Variants in TMC1 observed in about 807,000 individuals in gnomAD.
The protein encoded by TMC1 is transmembrane channel like 1, also known as transmembrane channel-like protein 1.
A neutral mutation model predicts 105.8 loss-of-function variants in TMC1; 84 were observed. The ratio of observed to expected loss-of-function variants is 0.79; its 90% CI spans 0.67 to 0.95. The LOEUF (loss-of-function observed/expected upper bound fraction) is 0.95. TMC1 is among the 40% of genes least tolerant of loss of function. TMC1 has a pLI of 0.00. For missense variants in TMC1, 817 were observed against 914.1 expected (o/e 0.89, Z 1.37); for synonymous variants, 315 against 311.5 (o/e 1.01, Z -0.12).
At chr9:72,760,019 C>T (rs1301573170) in intron 12 of TMC1, among the ~76,000 whole-genome samples, 6 of 151,982 alleles carry the variant, frequency 3.9e-5, no homozygotes, top group African/African-American at 7.3e-5. Flanking sequence ...TCTTGTAATT[C>T]CCAAATCAGC....
In TMC1 at chr9:72,752,447, A is replaced by AACACACACACACACAC. The variant is rs10640023; in HGVS notation, c.642+503_642+518dup. 7.9e-3 allele frequency among the ~76,000 whole-genome samples: 1,183 copies of AACACACACACACACAC among 149,194 alleles called. 24 individuals are homozygous for AACACACACACACACAC. Among genetic ancestry groups the AACACACACACACACAC allele is most frequent in the African/African-American group, 0.028 (1,118 of 40,638 alleles). On this transcript the variant is annotated intron_variant, in intron 11 of 23. Transcript: ENST00000297784. ...AGATACAAAGTAAGATAATGCCCAC[A>AACACACACACACACAC]ACACACACACACACACACACACACA...
chr9:72,557,338 TCCAG>T (rs1388513135), intron 1 of TMC1, among the ~76,000 whole-genome samples: 1 of 152,112 alleles, frequency 6.6e-6, no homozygotes, highest in Non-Finnish European at 1.5e-5. Context: ...GCCACTGCAC[TCCAG>T]CCTGGGTGAC....
intron 18 of TMC1, among the ~76,000 whole-genome samples, chr9:72,812,472 G>C (rs563303032): frequency 3.0e-4 from 45 of 152,320 alleles, no homozygotes; most frequent in African/African-American, 1.0e-3. Context: ...GAAGTACAAA[G>C]CCTCAAGTGC....
intron 3 of TMC1, among the ~76,000 whole-genome samples, chr9:72,616,929 T>C (rs983835969): frequency 6.6e-6 from 1 of 152,158 alleles, no homozygotes; most frequent in African/African-American, 2.4e-5. Context: ...GTTTCCTTTG[T>C]AGGTCTGCTT....
chr9:72,718,073 T>C (rs1464024154), intron 8 of TMC1, among the ~76,000 whole-genome samples: 1 of 91,394 alleles, frequency 1.1e-5, no homozygotes, highest in Non-Finnish European at 2.1e-5. Flanking sequence ...ATTTATGCTA[T>C]CTATTTCACT....
intron 1 of TMC1, among the ~76,000 whole-genome samples, chr9:72,529,297 C>T (rs1823458167): frequency 6.6e-6 from 1 of 152,010 alleles, no homozygotes; most frequent in Non-Finnish European, 1.5e-5. Context: ...GAATAATATG[C>T]TTATTCAAGC....
intron 5 of TMC1, among the ~76,000 whole-genome samples, chr9:72,666,886 CCAAAACAAAACAAAA>C (rs111525479): frequency 1.6e-3 from 234 of 148,096 alleles, no homozygotes; most frequent in Middle Eastern, 3.4e-3. Context: ...CCCATCTCTA[CCAAAACAAAACAAAA>C]CAAAACAAAA....
intron 8 of TMC1, among the ~76,000 whole-genome samples, chr9:72,729,075 C>T (rs976441432): frequency 6.6e-6 from 1 of 151,990 alleles, no homozygotes; most frequent in Admixed American, 6.6e-5. Context: ...CATCCTGAGT[C>T]TGAAGAATTT....
intron 12 of TMC1, among the ~76,000 whole-genome samples, chr9:72,768,707 T>G (rs1827877343): frequency 6.6e-6 from 1 of 152,144 alleles, no homozygotes; most frequent in South Asian, 2.1e-4. Flanking sequence ...AAACATATGT[T>G]GAATGGTACC....
chr9:72,630,281 A>T (rs1588000034), intron 4 of TMC1, among the ~76,000 whole-genome samples: 2 of 152,234 alleles, frequency 1.3e-5, no homozygotes, highest in Non-Finnish European at 2.9e-5. Flanking sequence ...ATTAAAATTT[A>T]AAAAAATTAA....
chr9:72,692,117 A>G (rs889999114), intron 6 of TMC1, among the ~76,000 whole-genome samples: 3 of 152,152 alleles, frequency 2.0e-5, no homozygotes, highest in African/African-American at 7.2e-5. Context: ...GGGAGTGGCT[A>G]TTTGAGTGAG....
intron 5 of TMC1, among the ~76,000 whole-genome samples, chr9:72,649,950 AGAATGGATTATTC>A (rs550205993): frequency 3.2e-3 from 483 of 152,364 alleles, no homozygotes; most frequent in African/African-American, 0.011. Flanking sequence ...AAGTCAAATT[AGAATGGATTATTC>A]CTGCTGTTTA....
intron 5 of TMC1, among the ~76,000 whole-genome samples, chr9:72,687,680 G>A (rs1171080066): frequency 6.6e-6 from 1 of 152,120 alleles, no homozygotes; most frequent in Non-Finnish European, 1.5e-5. Context: ...CTCTTGGCAT[G>A]TGTTGCCTTT....
At chr9:72,553,221 C>T (rs1823884587) in intron 1 of TMC1, among the ~76,000 whole-genome samples, 1 of 152,158 alleles carries the variant, frequency 6.6e-6, no homozygotes, top group African/African-American at 2.4e-5. Context: ...GATCCACCGG[C>T]CTCTGCTTCA....
chr9:72,601,789 GCTGTGATCTCACTA>G (rs1824820595), intron 2 of TMC1, among the ~76,000 whole-genome samples: 2 of 152,324 alleles, frequency 1.3e-5, no homozygotes, highest in South Asian at 4.1e-4. Flanking sequence ...GTTAGAATGA[GCTGTGATCTCACTA>G]CTGCACTCCA....
chr9:72,696,000 T>G (rs1352395825), intron 7 of TMC1, among the ~76,000 whole-genome samples: 1 of 152,202 alleles, frequency 6.6e-6, no homozygotes, highest in Non-Finnish European at 1.5e-5. Context: ...TAGTAATAGT[T>G]CCTATTTAGC....
At chr9:72,788,617 T>C in intron 14 of TMC1, 134 bp downstream of exon 14, 1 of 999,818 alleles carries the variant, frequency 1.0e-6, no homozygotes, top group Admixed American at 2.0e-5. Flanking sequence ...CCTACCAAGA[T>C]CTTGCCATGG....
At chr9:72,821,187 T>A in intron 20 of TMC1, 106 bp downstream of exon 20, 1 of 1,551,334 alleles carries the variant, frequency 6.4e-7, no homozygotes, top group Non-Finnish European at 8.8e-7. Context: ...ACAATGACAT[T>A]TTTGGTTGGT....
At chr9:72,641,810 C>A (rs1455855519) in intron 4 of TMC1, among the ~76,000 whole-genome samples, 1 of 87,002 alleles carries the variant, frequency 1.1e-5, no homozygotes. Context: ...AGTCCCAAAT[C>A]TTTTTTTTTT....
Sources: gnomAD v4.1 joint callset for allele counts (sites outside exome capture counted in the v4.1 genomes callset) on GRCh38, gnomAD v4.1.1 for gene constraint, MANE v1.5 for transcripts, NCBI Gene and HGNC (gene_info 2026-07-23, HGNC 2026-07-21) for gene names.